The following SORCS3 variants were observed in gnomAD, a reference collection of about 807,000 sequenced individuals.
SORCS3 encodes the protein sortilin related VPS10 domain containing receptor 3, also known as VPS10 domain-containing receptor SorCS3.
Under a neutral mutation model 146.3 loss-of-function variants are expected in SORCS3, and 57 were observed. The ratio of observed to expected loss-of-function variants is 0.39; its 90% CI spans 0.31 to 0.49. SORCS3 has a LOEUF of 0.49. SORCS3 is among the 20% of genes least tolerant of loss of function. SORCS3 has a pLI of 0.92. For synonymous variants in SORCS3, 653 were observed against 618.5 expected (o/e 1.06, Z -0.83); for missense variants, 1,341 against 1,575.5 (o/e 0.85, Z 2.52).
intron 2 of SORCS3, 136 bp from the exon 3 acceptor site, chr10:104,915,697 C>T (rs985296525): frequency 1.4e-6 from 1 of 692,628 alleles, no homozygotes; most frequent in Non-Finnish European, 2.6e-6. Flanking sequence ...ATTAATGGGG[C>T]TTTTTATCTC....
intron 1 of SORCS3, among the ~76,000 whole-genome samples, chr10:104,731,545 C>T (rs554096561): frequency 6.6e-6 from 1 of 152,296 alleles, no homozygotes; most frequent in South Asian, 2.1e-4. Context: ...TTGGGAGGCT[C>T]AGTTTCCCTG....
intron 8 of SORCS3, among the ~76,000 whole-genome samples, chr10:105,144,242 C>T (rs959284171): frequency 1.3e-5 from 2 of 152,134 alleles, no homozygotes; most frequent in African/African-American, 4.8e-5. Context: ...TCATTGTCAC[C>T]TCTAAGCATT....
chr10:104,837,747 G>C (rs1347102039), intron 1 of SORCS3, among the ~76,000 whole-genome samples: 22 of 152,200 alleles, frequency 1.4e-4, no homozygotes, highest in Non-Finnish European at 2.1e-4. Flanking sequence ...GTTCACATAA[G>C]AGGTACTCGG....
At chr10:105,064,337 C>T (rs2055507644) in intron 5 of SORCS3, among the ~76,000 whole-genome samples, 1 of 151,970 alleles carries the variant, frequency 6.6e-6, no homozygotes, top group African/African-American at 2.4e-5. Flanking sequence ...CAGGGCTCTC[C>T]AGAGAGAGAA....
chr10:104,674,566 A>G (rs12415539), intron 1 of SORCS3, among the ~76,000 whole-genome samples: 15,889 of 152,228 alleles, frequency 0.1, 900 homozygotes, highest in Admixed American at 0.14. Context: ...GAGCCTTGAG[A>G]TTACGGTAGC....
Position 105,172,551 on chromosome 10 carries a change from G to T in SORCS3, c.1901+5202G>T, listed in dbSNP as rs1002462914. Among the ~76,000 whole-genome samples, 3 of 151,988 alleles carry T rather than the reference G, an allele frequency of 2.0e-5. 1 individual carries two copies. Among genetic ancestry groups the T allele is most frequent in the Non-Finnish European group, 4.4e-5 (3 of 67,986 alleles). On this transcript the variant is annotated intron_variant, in intron 13 of 26. Transcript: ENST00000369701. ...CCTTCACTGACATTATCCCTTTCTG[G>T]TAGTCGATAAATAGCCCTTTAAAAT... is the stretch of plus-strand genomic sequence containing the variant.
chr10:105,157,729 T>C lies in SORCS3; in HGVS notation c.1629+445T>C, dbSNP rs983881907. Among the ~76,000 whole-genome samples the C allele has an allele frequency of 9.6e-4, 146 of 152,326 alleles. 1 individual carries two copies. Among genetic ancestry groups the C allele is most frequent in the Non-Finnish European group, 1.7e-3 (118 of 68,018 alleles). On this transcript the variant is annotated intron_variant, in intron 10 of 26. Transcript: ENST00000369701. ...ATATGGGACAGTTAATCTATCAGCA[T>C]TTCCAGGATTCCTGTTGTATGGGAT...
chr10:104,975,444 A>T (rs563699816), intron 3 of SORCS3, among the ~76,000 whole-genome samples: 2 of 152,210 alleles, frequency 1.3e-5, no homozygotes, highest in African/African-American at 4.8e-5. Context: ...TTCCATGCTC[A>T]TGGGTAGGAA....
Position 104,788,418 on chromosome 10 carries a change from G to GA in SORCS3, c.628-54366dup, listed in dbSNP as rs897638600. Among the ~76,000 whole-genome samples, 125 of 151,778 alleles carry GA rather than the reference G, an allele frequency of 8.2e-4. 1 individual carries two copies. The highest frequency in any genetic ancestry group is 2.9e-3 in the African/African-American group (119 of 41,424). On this transcript the variant is annotated intron_variant, in intron 1 of 26. Coordinates refer to ENST00000369701, the MANE Select transcript of SORCS3 (RefSeq NM_014978.3). Reference sequence around the variant, plus strand: ...CCATCAGTCCTTAATGTAAAAGAAGGAAAAAAAATACGGTGCAGTATATAT... The same window carrying GA: ...CCATCAGTCCTTAATGTAAAAGAAGGAAAAAAAAATACGGTGCAGTATATAT...
chr10:104,894,049 C>T (rs1222813154), intron 2 of SORCS3, among the ~76,000 whole-genome samples: 1 of 152,166 alleles, frequency 6.6e-6, no homozygotes, highest in Non-Finnish European at 1.5e-5. Flanking sequence ...CTTTTGGGGG[C>T]TTGTTCTTAA....
chr10:104,986,277 A>T (rs1189965536), intron 4 of SORCS3, among the ~76,000 whole-genome samples: 1 of 152,176 alleles, frequency 6.6e-6, no homozygotes, highest in Non-Finnish European at 1.5e-5. Context: ...AGCTTCTGCT[A>T]CTTCAAACTT....
intron 1 of SORCS3, among the ~76,000 whole-genome samples, chr10:104,784,222 C>T (rs1029827084): frequency 2.0e-5 from 3 of 152,190 alleles, no homozygotes; most frequent in East Asian, 3.9e-4. Context: ...ATTTTGTCCC[C>T]CAGGGGACTT....
At chr10:105,177,960 G>T in intron 13 of SORCS3, 106 bp from the exon 14 acceptor site, 1 of 765,312 alleles carries the variant, frequency 1.3e-6, no homozygotes, top group Non-Finnish European at 2.2e-6. Context: ...AATCCACACT[G>T]CCAGAAAGCA....
intron 25 of SORCS3, among the ~76,000 whole-genome samples, chr10:105,258,464 T>A (rs992321989): frequency 6.6e-6 from 1 of 152,164 alleles, no homozygotes; most frequent in East Asian, 1.9e-4. Context: ...TTGCTGGGCG[T>A]GACAATCAAC....
At chr10:104,729,486 A>G (rs1457923621) in intron 1 of SORCS3, among the ~76,000 whole-genome samples, 4 of 152,232 alleles carry the variant, frequency 2.6e-5, no homozygotes, top group Non-Finnish European at 5.9e-5. Flanking sequence ...TGACATGAAG[A>G]TGGGAGACAC....
intron 7 of SORCS3, among the ~76,000 whole-genome samples, chr10:105,137,476 A>G (rs988870602): frequency 6.7e-6 from 1 of 149,318 alleles, no homozygotes; most frequent in Non-Finnish European, 1.5e-5. Flanking sequence ...TTATTAGAGT[A>G]TGTGAATTTC....
chr10:105,145,669 C>T lies in SORCS3; in HGVS notation c.1303-1948C>T, dbSNP rs7909950. Among the ~76,000 whole-genome samples the T allele has an allele frequency of 5.5e-3, 843 of 152,180 alleles. 6 individuals are homozygous for T. The highest frequency in any genetic ancestry group is 0.019 in the African/African-American group (776 of 41,538). The stretch of plus-strand genomic sequence containing the variant: ...GCATTCATTCCACACCAACACAACA[C>T]GACTTCATCACACGGTTTTTAAGAG... On this transcript the variant is annotated intron_variant, in intron 8 of 26. Coordinates refer to ENST00000369701, the MANE Select transcript of SORCS3 (RefSeq NM_014978.3).
chr10:105,052,540 T>C (rs868051805), intron 5 of SORCS3, among the ~76,000 whole-genome samples: 6 of 152,126 alleles, frequency 3.9e-5, no homozygotes, highest in Non-Finnish European at 7.4e-5. Context: ...TTTCAGGGCC[T>C]TATTGTCTAT....
intron 1 of SORCS3, among the ~76,000 whole-genome samples, chr10:104,663,865 A>T (rs1254921020): frequency 6.6e-6 from 1 of 152,122 alleles, no homozygotes; most frequent in East Asian, 1.9e-4. Context: ...GTAAAGAAGA[A>T]GATCTCTATC....
Sources: gnomAD v4.1 joint callset for allele counts (sites outside exome capture counted in the v4.1 genomes callset) on GRCh38, gnomAD v4.1.1 for gene constraint, MANE v1.5 for transcripts, NCBI Gene and HGNC (gene_info 2026-07-23, HGNC 2026-07-21) for gene names.